Variants in HIP1 observed in about 807,000 individuals in gnomAD.
The protein encoded by HIP1 is huntingtin-interacting protein 1.
Under a neutral mutation model 147.6 loss-of-function variants are expected in HIP1, and 65 were observed. That is an observed-to-expected ratio of 0.44 (90% confidence interval 0.36 to 0.54). The LOEUF is 0.54. Ranked by LOEUF, HIP1 falls within the 20% of genes least tolerant of loss-of-function variation. HIP1 has a pLI of 0.00. For missense variants in HIP1, 1,061 were observed against 1,299.6 expected, an observed-to-expected ratio of 0.82 and a Z score of 2.82; for synonymous variants, 479 against 504.0, an observed-to-expected ratio of 0.95 and a Z score of 0.67.
At chr7:75,651,758 C>T (rs1195229199) in intron 1 of HIP1, among the ~76,000 whole-genome samples, 1 of 152,102 alleles carries the variant, frequency 6.6e-6, no homozygotes, top group Non-Finnish European at 1.5e-5. Flanking sequence ...ATCATAGCTA[C>T]CTCTTGGGGT....
intron 1 of HIP1, among the ~76,000 whole-genome samples, chr7:75,645,558 C>G (rs3857844): frequency 0.19 from 28,563 of 152,102 alleles, 3,071 homozygotes; most frequent in Middle Eastern, 0.32. Flanking sequence ...AAAAACAGAA[C>G]TACCATTTGA....
intron 1 of HIP1, among the ~76,000 whole-genome samples, chr7:75,700,516 G>A (rs1280315264): frequency 6.6e-6 from 1 of 152,130 alleles, no homozygotes. Context: ...TCTCCATGAG[G>A]GTGGGATCTG....
chr7:75,537,601 A>G lies in HIP1; in HGVS notation c.*571T>C. On this transcript the variant is annotated 3_prime_UTR_variant, in exon 31 of 31. Coordinates refer to ENST00000336926, the MANE Select transcript of HIP1 (RefSeq NM_005338.7). ...ATGGCACTGCCCAAAGAGGGGGAGA[A>G]TGGCTTTGGCATTCACAGCCAGGAC... is the stretch of plus-strand genomic sequence containing the variant. 1 of 233,184 alleles carries G rather than the reference A, an allele frequency of 4.3e-6. No individual in the cohort carries two copies. The highest frequency in any genetic ancestry group is 8.5e-6 in the Non-Finnish European group (1 of 118,096). 14.4% of individuals were successfully genotyped at this position (233,184 alleles called of 1,614,324 possible). A position where few individuals can be genotyped will look rare whatever the true frequency, so the allele number is the denominator to read the frequency against.
At chr7:75,658,398 A>G (rs535598900) in intron 1 of HIP1, among the ~76,000 whole-genome samples, 2 of 152,074 alleles carry the variant, frequency 1.3e-5, no homozygotes, top group Non-Finnish European at 2.9e-5. Flanking sequence ...CCTCTTCTTC[A>G]TTTTTTGAAG....
chr7:75,705,253 T>C (rs1163813927), intron 1 of HIP1, among the ~76,000 whole-genome samples: 6 of 152,216 alleles, frequency 3.9e-5, no homozygotes, highest in Non-Finnish European at 5.9e-5. Flanking sequence ...AGGCACTTCA[T>C]AGAAGTGGAA....
intron 4 of HIP1, among the ~76,000 whole-genome samples, chr7:75,587,598 C>G (rs931147353): frequency 6.6e-6 from 1 of 152,094 alleles, no homozygotes; most frequent in Admixed American, 6.6e-5. Flanking sequence ...ATGAACATTC[C>G]TTATAGCACA....
At chr7:75,605,712 T>A (rs1797198854) in intron 1 of HIP1, among the ~76,000 whole-genome samples, 1 of 152,128 alleles carries the variant, frequency 6.6e-6, no homozygotes, top group Non-Finnish European at 1.5e-5. Flanking sequence ...ATTTTTGTAT[T>A]TTTAGTAGAG....
At chr7:75,556,599 C>T in intron 17 of HIP1, 111 bp downstream of exon 17, 1 of 700,396 alleles carries the variant, frequency 1.4e-6, no homozygotes. Context: ...TGGGGAGGAT[C>T]ACCTGAGCCC....
chr7:75,616,167 T>C (rs1053565347), intron 1 of HIP1, among the ~76,000 whole-genome samples: 3 of 151,448 alleles, frequency 2.0e-5, no homozygotes, highest in Non-Finnish European at 4.4e-5. Flanking sequence ...AACATCGTCC[T>C]AGACAAGAAT....
intron 27 of HIP1, 71 bp from the exon 28 acceptor site, chr7:75,543,045 T>C (rs1219801779): frequency 2.3e-5 from 35 of 1,501,548 alleles, no homozygotes; most frequent in Non-Finnish European, 3.2e-5. Flanking sequence ...ATAATTGCTC[T>C]GATGGTTCTT....
Position 75,554,753 on chromosome 7 carries a change from G to C in HIP1, c.1964-227C>G, listed in dbSNP as rs114392306. 6.5e-3 allele frequency among the ~76,000 whole-genome samples: 989 copies of C among 152,242 alleles called. 16 individuals are homozygous for C. The highest frequency in any genetic ancestry group is 0.023 in the African/African-American group (952 of 41,544). On this transcript the variant is annotated intron_variant, in intron 19 of 30. Coordinates refer to ENST00000336926, the MANE Select transcript of HIP1 (RefSeq NM_005338.7). ...TCAGTGTGACCCACTGTCTAAAGCAGTAGCTATCACACCTGGGGGCTTTAG... is the reference window on the plus strand; with the variant it reads ...TCAGTGTGACCCACTGTCTAAAGCACTAGCTATCACACCTGGGGGCTTTAG...
At position 75,571,384 on chromosome 7, in the gene HIP1, C is replaced by T. The variant is rs1430147358; in HGVS notation, c.745+2377G>A. On this transcript the variant is annotated intron_variant, in intron 8 of 30. Transcript: ENST00000336926. ...CTCTTGGGGGCCCACTCCACCCTCT[C>T]AGCTCCCTTCAGGCAGGCCTACTTG... Among the ~76,000 whole-genome samples the T allele has an allele frequency of 2.6e-5, 4 of 152,312 alleles. No individual in the cohort carries two copies. The East Asian group carries it at 5.8e-4, about 22-fold the overall frequency.
intron 1 of HIP1, among the ~76,000 whole-genome samples, chr7:75,643,340 T>C (rs1205175062): frequency 6.6e-6 from 1 of 152,114 alleles, no homozygotes; most frequent in Non-Finnish European, 1.5e-5. Flanking sequence ...CCTTAAAAAG[T>C]CAGGAAAGGG....
chr7:75,664,491 CACAT>C (rs1439185775), intron 1 of HIP1, among the ~76,000 whole-genome samples: 4 of 105,982 alleles, frequency 3.8e-5, no homozygotes, highest in East Asian at 2.4e-4. Flanking sequence ...CACATATATA[CACAT>C]ACATATATAT....
Position 75,556,157 on chromosome 7 carries a change from A to G in HIP1, c.1696T>C (p.Trp566Arg). 6.2e-7 allele frequency: 1 copy of G among 1,614,056 alleles called. No individual in the cohort carries two copies. Among genetic ancestry groups the G allele is most frequent in the Non-Finnish European group, 8.5e-7 (1 of 1,180,004 alleles). ...TCTAGCTCGGCGAACTCGGCTGCCC[A>G]GTTTGCTTCTGACTGCAAAGGTGAC... ...LETSAQSEAN[W>R]AAEFAELEKE... The change falls in exon 18 of 31, where the codon TGG becomes CGG. Residue 566 changes from tryptophan to arginine, a missense_variant. Trp to Arg is a moderately radical substitution (Grantham distance 101). Transcript: ENST00000336926.
intron 1 of HIP1, among the ~76,000 whole-genome samples, chr7:75,727,160 G>C (rs1801675552): frequency 6.6e-6 from 1 of 152,052 alleles, no homozygotes; most frequent in South Asian, 2.1e-4. Context: ...ACCCAGGCTG[G>C]AGTGTAGTGG....
intron 1 of HIP1, among the ~76,000 whole-genome samples, chr7:75,637,516 C>G (rs1378010592): frequency 2.7e-5 from 4 of 149,590 alleles, no homozygotes; most frequent in Non-Finnish European, 5.9e-5. Flanking sequence ...TACATCTCCA[C>G]CCCCATAGCT....
At chr7:75,712,693 TTCAC>T (rs1420826069) in intron 1 of HIP1, among the ~76,000 whole-genome samples, 1 of 151,998 alleles carries the variant, frequency 6.6e-6, no homozygotes, top group African/African-American at 2.4e-5. Context: ...TTCACTCTCA[TTCAC>T]TCATTTACTC....
At chr7:75,684,725 AT>A (rs1554517403) in intron 1 of HIP1, among the ~76,000 whole-genome samples, 1 of 152,190 alleles carries the variant, frequency 6.6e-6, no homozygotes, top group East Asian at 1.9e-4. Flanking sequence ...GCTTCAGTGA[AT>A]AATCCTGATC....
Sources: allele counts gnomAD v4.1 joint callset (sites outside exome capture counted in the v4.1 genomes callset), GRCh38; gene constraint gnomAD v4.1.1; transcripts MANE v1.5; gene names NCBI Gene and HGNC (gene_info 2026-07-23, HGNC 2026-07-21).